ABHD13: variants seen among roughly 807,000 people sequenced by gnomAD.
ABHD13 encodes abhydrolase domain containing 13.
Under a neutral mutation model 25.2 loss-of-function variants are expected in ABHD13, and 7 were observed. That is an observed-to-expected ratio of 0.28 (90% confidence interval 0.16 to 0.52). The LOEUF (loss-of-function observed/expected upper bound fraction) is 0.52, where lower values mean the gene tolerates loss of function less well. ABHD13 is among the 20% of genes least tolerant of loss of function. The pLI is 0.96. For synonymous variants in ABHD13, 133 were observed against 136.1 expected, an observed-to-expected ratio of 0.98 and a Z score of 0.16; for missense variants, 302 against 402.7, an observed-to-expected ratio of 0.75 and a Z score of 2.14.
intron 1 of ABHD13, among the ~76,000 whole-genome samples, chr13:108,227,808 T>C (rs762204611): frequency 9.2e-5 from 14 of 152,054 alleles, no homozygotes; most frequent in African/African-American, 1.9e-4. Flanking sequence ...TAAATAGTTA[T>C]TCAGGGAGGA....
At position 108,231,056 on chromosome 13, in the gene ABHD13, C is replaced by T. The variant is rs942930026; in HGVS notation, c.*824C>T. 1 of 166,756 alleles carries T rather than the reference C, an allele frequency of 6.0e-6. No individual in the cohort carries two copies. The highest frequency in any genetic ancestry group is 6.6e-5 in the Admixed American group (1 of 15,222). 10.3% of individuals were successfully genotyped at this position (166,756 alleles called of 1,614,324 possible). A position where few individuals can be genotyped will look rare whatever the true frequency, so the allele number is the denominator to read the frequency against. On this transcript the variant is annotated 3_prime_UTR_variant, in exon 2 of 2. Transcript: ENST00000375898. ...TGGCAAAGAGAATTTTAGCTTCTAT[C>T]GATTTTGTAAGTCTTCAGCTGAACC...
rs1293086672 is a variant in ABHD13 at position 108,230,250 on chromosome 13, A to G, written c.*18A>G. The G allele has an allele frequency of 1.3e-6, 2 of 1,520,668 alleles. No individual in the cohort carries two copies. The highest frequency in any genetic ancestry group is 1.3e-5 in the South Asian group (1 of 79,092). The allele number at this position is 1,520,668 out of a possible 1,614,324, so 94.2% of individuals were successfully genotyped here. ...TTATATAATGTTTCCCTTTTTGATT[A>G]TTGCATTGTATTTTAATTTGTGCAG... On this transcript the variant is annotated 3_prime_UTR_variant, in exon 2 of 2. Coordinates refer to ENST00000375898, the MANE Select transcript of ABHD13 (RefSeq NM_032859.3).
intron 1 of ABHD13, among the ~76,000 whole-genome samples, chr13:108,226,946 A>G (rs1879686580): frequency 6.6e-6 from 1 of 152,112 alleles, no homozygotes; most frequent in Non-Finnish European, 1.5e-5. Context: ...CAGCAATATA[A>G]GAATATGTTA....
At chr13:108,220,785 A>G (rs1879552130) in intron 1 of ABHD13, among the ~76,000 whole-genome samples, 1 of 152,186 alleles carries the variant, frequency 6.6e-6, no homozygotes, top group Non-Finnish European at 1.5e-5. Context: ...TTACTTTCAC[A>G]TACTCAATGT....
intron 1 of ABHD13, among the ~76,000 whole-genome samples, chr13:108,225,904 A>G (rs1036701884): frequency 1.3e-5 from 2 of 152,160 alleles, no homozygotes; most frequent in African/African-American, 4.8e-5. Context: ...GTTTGAGTGT[A>G]TTAAATGCAT....
intron 1 of ABHD13, among the ~76,000 whole-genome samples, chr13:108,219,141 G>T (rs12428136): frequency 0.02 from 3,065 of 152,164 alleles, 135 homozygotes; most frequent in Admixed American, 0.11. Context: ...CTAGGTTGGA[G>T]AGAGGGAGAG....
chr13:108,229,470 T>A lies in ABHD13; in HGVS notation c.252T>A (p.Ile84=). Residue 84 remains isoleucine (I), a synonymous_variant, in exon 2 of 2, where the codon ATT becomes ATA. Transcript: ENST00000375898. The surrounding 1 kb of genome is among the most constrained non-coding windows in gnomAD (Gnocchi z 4.7). ...TTTATGTTCCCATGCCCACTGGCAT[T>A]CCACATGAAAACATTTTCATCAGAA... The part of the protein sequence containing the change: ...SRLYVPMPTG[I]PHENIFIRTK... 1 of 1,613,564 alleles carries A rather than the reference T, an allele frequency of 6.2e-7. No individual in the cohort carries two copies. The highest frequency in any genetic ancestry group is 8.5e-7 in the Non-Finnish European group (1 of 1,179,622).
rs757041875 is a variant in ABHD13 at position 108,234,070 on chromosome 13, A to G, written c.*3838A>G. ...AAATCATATTTTTGTTATTTGCCAT[A>G]TTTTATTTGAAGTGATAAAATTTTA... On this transcript the variant is annotated 3_prime_UTR_variant, in exon 2 of 2. Coordinates refer to ENST00000375898, the MANE Select transcript of ABHD13 (RefSeq NM_032859.3). 4 of 166,896 alleles carry G rather than the reference A, an allele frequency of 2.4e-5. No individual in the cohort carries two copies. Among genetic ancestry groups the G allele is most frequent in the Non-Finnish European group, 5.9e-5 (4 of 67,984 alleles). The allele number at this position is 166,896 out of a possible 1,614,324, so 10.3% of individuals were successfully genotyped here.
At position 108,230,398 on chromosome 13, in the gene ABHD13, A is replaced by G. The variant is rs1054741208; in HGVS notation, c.*166A>G. ...TTCCAAATAGTTTTTTACATTGGAA[A>G]AACTAATTCTTGGGATTCTTTCATA... On this transcript the variant is annotated 3_prime_UTR_variant, in exon 2 of 2. Coordinates refer to ENST00000375898, the MANE Select transcript of ABHD13 (RefSeq NM_032859.3). 1.7e-6 allele frequency: 1 copy of G among 604,760 alleles called. No homozygotes were observed. Among genetic ancestry groups the G allele is most frequent in the African/African-American group, 1.9e-5 (1 of 52,852 alleles). 37.5% of individuals were successfully genotyped at this position (604,760 alleles called of 1,614,324 possible). A position where few individuals can be genotyped will look rare whatever the true frequency, so the allele number is the denominator to read the frequency against.
chr13:108,231,782 A>C lies in ABHD13; in HGVS notation c.*1550A>C, dbSNP rs983373632. On this transcript the variant is annotated 3_prime_UTR_variant, in exon 2 of 2. Coordinates refer to ENST00000375898, the MANE Select transcript of ABHD13 (RefSeq NM_032859.3). ...AACTTTCAATGGAGATAGGGCTAGA[A>C]ATACTTTTGCCAAATAGCATTCTTA... The C allele has an allele frequency of 6.0e-6, 1 of 166,856 alleles. No homozygotes were observed. The highest frequency in any genetic ancestry group is 2.4e-5 in the African/African-American group (1 of 41,444). The allele number at this position is 166,856 out of a possible 1,614,324, so 10.3% of individuals were successfully genotyped here.
chr13:108,220,038 C>G (rs761408662), intron 1 of ABHD13, among the ~76,000 whole-genome samples: 6 of 152,150 alleles, frequency 3.9e-5, no homozygotes, highest in Non-Finnish European at 7.4e-5. Context: ...AGTAGCTGCA[C>G]TTAACACACT....
chr13:108,221,451 C>T (rs1165865386), intron 1 of ABHD13, among the ~76,000 whole-genome samples: 1 of 152,182 alleles, frequency 6.6e-6, no homozygotes, highest in South Asian at 2.1e-4. Flanking sequence ...GTGATTCACC[C>T]AGAGTAATTA....
chr13:108,222,001 C>A (rs1226173217), intron 1 of ABHD13, among the ~76,000 whole-genome samples: 2 of 152,080 alleles, frequency 1.3e-5, no homozygotes, highest in African/African-American at 2.4e-5. Context: ...CCATGCCCGG[C>A]TAATTTTTTG....
chr13:108,224,153 G>A (rs1879624970), intron 1 of ABHD13, among the ~76,000 whole-genome samples: 1 of 152,204 alleles, frequency 6.6e-6, no homozygotes, highest in Non-Finnish European at 1.5e-5. Flanking sequence ...AATGACAATT[G>A]TCATCTTTCT....
chr13:108,220,622 T>C (rs1340609038), intron 1 of ABHD13, among the ~76,000 whole-genome samples: 3 of 152,370 alleles, frequency 2.0e-5, no homozygotes, highest in Middle Eastern at 3.4e-3. Flanking sequence ...CATTATTATA[T>C]TTTATGTTTC....
intron 1 of ABHD13, among the ~76,000 whole-genome samples, chr13:108,224,028 A>G (rs1478086931): frequency 2.0e-5 from 3 of 152,226 alleles, no homozygotes; most frequent in South Asian, 2.1e-4. Flanking sequence ...AAAACATTGC[A>G]TAAGTTTCCA....
intron 1 of ABHD13, among the ~76,000 whole-genome samples, chr13:108,218,996 C>T (rs192575480): frequency 3.7e-4 from 57 of 152,226 alleles, no homozygotes; most frequent in African/African-American, 1.1e-3. Flanking sequence ...TAATTGGAAC[C>T]TAAAACGTAT....
rs1225188030 is a variant in ABHD13 at position 108,231,623 on chromosome 13, A to T, written c.*1391A>T. The T allele has an allele frequency of 6.1e-6, 1 of 164,398 alleles. No homozygotes were observed. The highest frequency in any genetic ancestry group is 2.0e-4 in the East Asian group (1 of 5,122). 10.2% of individuals were successfully genotyped at this position (164,398 alleles called of 1,614,324 possible). Reference sequence around the variant, plus strand: ...GTTTCATGCAGTCCTCAAAAATTAGATGTAATTGAGCTTTGTGTAATATTA... The same window carrying T: ...GTTTCATGCAGTCCTCAAAAATTAGTTGTAATTGAGCTTTGTGTAATATTA... On this transcript the variant is annotated 3_prime_UTR_variant, in exon 2 of 2. Coordinates refer to ENST00000375898, the MANE Select transcript of ABHD13 (RefSeq NM_032859.3).
rs1249954670 is a variant in ABHD13, at chr13:108,230,091, C to A, written c.873C>A (p.Ala291=). 10 of 1,613,146 alleles carry A rather than the reference C, an allele frequency of 6.2e-6. No individual in the cohort carries two copies. ...CCCCATCTCGGACTAAGAGATTAGC[C>A]ATTTTTCCAGATGGGACTCACAATG... The part of the protein sequence containing the change: ...ELSPSRTKRL[A]IFPDGTHNDT... The change falls in exon 2 of 2, where the codon GCC becomes GCA. Residue 291 remains alanine, a synonymous_variant. Transcript: ENST00000375898.
Sources: gnomAD v4.1 joint callset for allele counts (sites outside exome capture counted in the v4.1 genomes callset) on GRCh38, gnomAD v4.1.1 for gene constraint, Gnocchi (gnomAD v3.1) non-coding constraint, MANE v1.5 for transcripts, NCBI Gene and HGNC (gene_info 2026-07-23, HGNC 2026-07-21) for gene names.